The following ADGRL3 variants were observed in gnomAD, a reference collection of about 807,000 sequenced individuals.
ADGRL3 encodes the protein adhesion G protein-coupled receptor L3, also known as calcium-independent alpha-latrotoxin receptor 3.
A neutral mutation model predicts 153.5 loss-of-function variants in ADGRL3; 62 were observed. The ratio of observed to expected loss-of-function variants is 0.40; its 90% CI spans 0.33 to 0.50. The LOEUF (loss-of-function observed/expected upper bound fraction) is 0.50. ADGRL3 is among the 20% of genes least tolerant of loss of function. The probability of loss-of-function intolerance (pLI) is 0.47; values close to 1 mark genes in which losing one functional copy is unlikely to be tolerated. For synonymous variants in ADGRL3, 710 were observed against 672.5 expected, an observed-to-expected ratio of 1.06 and a Z score of -0.86; for missense variants, 1,641 against 1,859.4, an observed-to-expected ratio of 0.88 and a Z score of 2.16.
intron 8 of ADGRL3, among the ~76,000 whole-genome samples, chr4:61,755,420 T>C (rs561090138): frequency 6.6e-6 from 1 of 152,366 alleles, no homozygotes; most frequent in Non-Finnish European, 1.5e-5. Context: ...ATGTCTTCTT[T>C]TGAGAAGTGT....
chr4:61,611,310 G>A (rs1327808912), intron 5 of ADGRL3, among the ~76,000 whole-genome samples: 1 of 152,048 alleles, frequency 6.6e-6, no homozygotes, highest in Non-Finnish European at 1.5e-5. Flanking sequence ...CAAGCCACTG[G>A]CAAGAACTAG....
chr4:61,760,342 C>T (rs1454379645), intron 8 of ADGRL3, among the ~76,000 whole-genome samples: 1 of 152,132 alleles, frequency 6.6e-6, no homozygotes, highest in East Asian at 1.9e-4. Context: ...TTTACCTACT[C>T]AAGCCTCGGC....
At chr4:61,783,716 G>C (rs1036440854) in intron 8 of ADGRL3, among the ~76,000 whole-genome samples, 1 of 152,008 alleles carries the variant, frequency 6.6e-6, no homozygotes, top group Non-Finnish European at 1.5e-5. Flanking sequence ...AACTTGAAGA[G>C]TCAAGTTATG....
At chr4:61,621,379 A>G (rs1228600349) in intron 5 of ADGRL3, among the ~76,000 whole-genome samples, 1 of 152,160 alleles carries the variant, frequency 6.6e-6, no homozygotes, top group Non-Finnish European at 1.5e-5. Context: ...AGATATTACT[A>G]TCTTCCCTTT....
intron 10 of ADGRL3, among the ~76,000 whole-genome samples, chr4:61,894,214 C>T (rs1241439270): frequency 3.3e-5 from 5 of 152,178 alleles, no homozygotes; most frequent in African/African-American, 1.2e-4. Context: ...CCAGCATTCT[C>T]AGGGACTTTC....
intron 2 of ADGRL3, among the ~76,000 whole-genome samples, chr4:61,455,076 T>C (rs2097719137): frequency 6.6e-6 from 1 of 152,298 alleles, no homozygotes; most frequent in South Asian, 2.1e-4. Context: ...ACTAAGTTCT[T>C]AGTTGGCTTT....
At chr4:61,722,104 T>G (rs902108541) in intron 6 of ADGRL3, among the ~76,000 whole-genome samples, 2 of 152,156 alleles carry the variant, frequency 1.3e-5, no homozygotes, top group Non-Finnish European at 2.9e-5. Flanking sequence ...AAATCACAGT[T>G]TACTTTTTAA....
rs534819327 is a variant in ADGRL3, at chr4:61,582,617, T to A, written c.260-4610T>A. 2.4e-4 allele frequency among the ~76,000 whole-genome samples: 36 copies of A among 151,954 alleles called. No homozygotes were observed. In the South Asian group the frequency reaches 7.1e-3, roughly 30 times the overall value. ...TGTGTAGCCCTCATTTTTGACTGGATCGCTAAATATGTAGAGCAATGCATG... is the reference window on the plus strand; with the variant it reads ...TGTGTAGCCCTCATTTTTGACTGGAACGCTAAATATGTAGAGCAATGCATG... On this transcript the variant is annotated intron_variant, in intron 4 of 26. Transcript: ENST00000683033.
intron 6 of ADGRL3, among the ~76,000 whole-genome samples, chr4:61,713,364 G>A (rs2096040275): frequency 2.0e-5 from 3 of 151,896 alleles, no homozygotes; most frequent in Admixed American, 2.0e-4. Context: ...TGATGAATCA[G>A]CAAGTATTTA....
chr4:61,394,345 G>A (rs986856559), intron 2 of ADGRL3, among the ~76,000 whole-genome samples: 4 of 151,848 alleles, frequency 2.6e-5, no homozygotes, highest in Non-Finnish European at 4.4e-5. Flanking sequence ...ATTAAAGATG[G>A]GATAAAATGA....
chr4:61,856,185 T>C (rs2098261588), intron 9 of ADGRL3, among the ~76,000 whole-genome samples: 2 of 152,090 alleles, frequency 1.3e-5, no homozygotes, highest in African/African-American at 4.8e-5. Flanking sequence ...CTGGGCAACA[T>C]AGCCAGACTC....
intron 4 of ADGRL3, among the ~76,000 whole-genome samples, chr4:61,538,025 G>A (rs1188613442): frequency 6.6e-6 from 1 of 152,054 alleles, no homozygotes. Flanking sequence ...TCCTTTGGAG[G>A]TCTCTAAATA....
chr4:61,404,089 C>T (rs148205305), intron 2 of ADGRL3, among the ~76,000 whole-genome samples: 1 of 151,872 alleles, frequency 6.6e-6, no homozygotes, highest in Non-Finnish European at 1.5e-5. Context: ...AGGCTCTATG[C>T]TAGTTAATAG....
At chr4:61,761,806 A>G (rs1398360210) in intron 8 of ADGRL3, among the ~76,000 whole-genome samples, 1 of 152,156 alleles carries the variant, frequency 6.6e-6, no homozygotes, top group South Asian at 2.1e-4. Context: ...GCACATACCT[A>G]TAGTGTCTCA....
chr4:61,402,923 A>T (rs1225906812), intron 2 of ADGRL3, among the ~76,000 whole-genome samples: 1 of 151,978 alleles, frequency 6.6e-6, no homozygotes, highest in South Asian at 2.1e-4. Context: ...GTGGCTTAAA[A>T]ACGGTAGTTT....
At chr4:62,038,700 C>T (rs552939444) in intron 24 of ADGRL3, among the ~76,000 whole-genome samples, 13 of 152,250 alleles carry the variant, frequency 8.5e-5, no homozygotes, top group South Asian at 2.1e-4. Context: ...CCCCTGGGTT[C>T]GAGCAATCTT....
At chr4:61,533,518 A>G (rs2098636359) in intron 4 of ADGRL3, among the ~76,000 whole-genome samples, 1 of 147,102 alleles carries the variant, frequency 6.8e-6, no homozygotes. Context: ...TAGTTTCACC[A>G]TTACTTACCT....
At chr4:61,793,459 C>T (rs1025131195) in intron 8 of ADGRL3, among the ~76,000 whole-genome samples, 1 of 151,972 alleles carries the variant, frequency 6.6e-6, no homozygotes. Context: ...TCTCATGAGG[C>T]TTATTCACTA....
At chr4:61,664,650 G>T (rs1348264109) in intron 5 of ADGRL3, among the ~76,000 whole-genome samples, 1 of 151,952 alleles carries the variant, frequency 6.6e-6, no homozygotes, top group Non-Finnish European at 1.5e-5. Context: ...TATTTAATCA[G>T]ACTATACACT....
Sources: gnomAD v4.1 joint callset for allele counts (sites outside exome capture counted in the v4.1 genomes callset) on GRCh38, gnomAD v4.1.1 for gene constraint, MANE v1.5 for transcripts, NCBI Gene and HGNC (gene_info 2026-07-23, HGNC 2026-07-21) for gene names.